The following LYPLA1 variants were observed in gnomAD, a reference collection of about 807,000 sequenced individuals.
LYPLA1 encodes the protein acyl-protein thioesterase 1.
Under a neutral mutation model 34.0 loss-of-function variants are expected in LYPLA1, and 17 were observed. The observed-to-expected ratio is 0.50, with a 90% confidence interval of 0.34 to 0.75. The LOEUF is 0.75. Among genes scored for constraint, LYPLA1 ranks in the 30% least tolerant of loss-of-function variants. LYPLA1 has a pLI of 0.01. For synonymous variants in LYPLA1, 98 were observed against 100.8 expected (o/e 0.97, Z 0.17); for missense variants, 203 against 288.8 (o/e 0.70, Z 2.15).
chr8:54,100,614 C>T (rs1810051112), intron 2 of LYPLA1: 1 of 376,432 alleles, frequency 2.7e-6, no homozygotes, highest in Non-Finnish European at 4.9e-6. Context: ...CAATTGCACA[C>T]CGTCCCTACT....
intron 2 of LYPLA1, among the ~76,000 whole-genome samples, chr8:54,096,263 A>G (rs1809675193): frequency 6.6e-6 from 1 of 152,240 alleles, no homozygotes; most frequent in Non-Finnish European, 1.5e-5. Flanking sequence ...TGAAAAGTTA[A>G]AAAGTTTAAA....
intron 2 of LYPLA1, among the ~76,000 whole-genome samples, chr8:54,080,439 C>T (rs1447131131): frequency 6.6e-6 from 1 of 152,190 alleles, no homozygotes; most frequent in Admixed American, 6.6e-5. Flanking sequence ...CAAAACATTA[C>T]TACATATAAT....
intron 2 of LYPLA1, among the ~76,000 whole-genome samples, chr8:54,069,600 A>G (rs1022347353): frequency 6.6e-6 from 1 of 151,966 alleles, no homozygotes; most frequent in Non-Finnish European, 1.5e-5. Context: ...AGTCCCAGCT[A>G]CTCAGAAGCT....
At chr8:54,063,009 T>C (rs1281792066) in intron 4 of LYPLA1, among the ~76,000 whole-genome samples, 8 of 152,004 alleles carry the variant, frequency 5.3e-5, no homozygotes, top group Non-Finnish European at 2.9e-5. Flanking sequence ...AGGCAAGAAA[T>C]TGGAAAGATG....
At chr8:54,099,207 C>G (rs1430040549) in intron 2 of LYPLA1, among the ~76,000 whole-genome samples, 1 of 152,072 alleles carries the variant, frequency 6.6e-6, no homozygotes, top group African/African-American at 2.4e-5. Flanking sequence ...AACCTTCTCC[C>G]TGACTTGCAA....
At chr8:54,075,262 A>G (rs1807801604) in intron 2 of LYPLA1, among the ~76,000 whole-genome samples, 1 of 152,242 alleles carries the variant, frequency 6.6e-6, no homozygotes, top group South Asian at 2.1e-4. Flanking sequence ...TTTGGTGGAG[A>G]GATCCGATTA....
chr8:54,081,404 G>C (rs1021838407), intron 2 of LYPLA1, among the ~76,000 whole-genome samples: 5 of 151,346 alleles, frequency 3.3e-5, no homozygotes, highest in African/African-American at 1.2e-4. Context: ...TCAAGAAAAT[G>C]TCTTTTTTAA....
At chr8:54,071,340 T>G (rs1251153657) in intron 2 of LYPLA1, among the ~76,000 whole-genome samples, 1 of 152,148 alleles carries the variant, frequency 6.6e-6, no homozygotes, top group Non-Finnish European at 1.5e-5. Context: ...ATCTCCTAAT[T>G]TGGAGTGTTG....
intron 5 of LYPLA1, among the ~76,000 whole-genome samples, chr8:54,056,597 G>GA (rs898982411): frequency 2.6e-5 from 4 of 151,996 alleles, no homozygotes; most frequent in African/African-American, 9.7e-5. Context: ...AACTCTATAG[G>GA]AAAAAAATCT....
At chr8:54,062,624 G>T (rs543339131) in intron 4 of LYPLA1, among the ~76,000 whole-genome samples, 3 of 152,126 alleles carry the variant, frequency 2.0e-5, no homozygotes, top group African/African-American at 4.8e-5. Context: ...CAATTCTCCT[G>T]TGTCAGCCTC....
chr8:54,056,724 C>T (rs1372737295), intron 5 of LYPLA1, among the ~76,000 whole-genome samples: 2 of 152,100 alleles, frequency 1.3e-5, no homozygotes, highest in South Asian at 4.1e-4. Context: ...ACCATCCTGC[C>T]CAACGTGGTG....
At chr8:54,099,300 C>T (rs992470297) in intron 2 of LYPLA1, among the ~76,000 whole-genome samples, 2 of 152,146 alleles carry the variant, frequency 1.3e-5, no homozygotes, top group African/African-American at 2.4e-5. Context: ...TTTCACAGGA[C>T]CACTGGATTG....
chr8:54,084,442 G>A (rs1351511050), intron 2 of LYPLA1, among the ~76,000 whole-genome samples: 1 of 151,506 alleles, frequency 6.6e-6, no homozygotes, highest in Non-Finnish European at 1.5e-5. Context: ...GTGGTGGCAC[G>A]TGCCTGTAGT....
intron 7 of LYPLA1, 87 bp from the exon 8 acceptor site, chr8:54,051,275 A>G: frequency 8.9e-7 from 1 of 1,121,116 alleles, no homozygotes; most frequent in Non-Finnish European, 1.2e-6. Flanking sequence ...ATAAATATGC[A>G]TATATATAAC....
chr8:54,090,125 C>T (rs867565784), intron 2 of LYPLA1, among the ~76,000 whole-genome samples: 2 of 152,310 alleles, frequency 1.3e-5, no homozygotes, highest in African/African-American at 2.4e-5. Context: ...GAACAGAATG[C>T]GACCCTTGTG....
At chr8:54,085,545 C>T (rs1181378926) in intron 2 of LYPLA1, among the ~76,000 whole-genome samples, 1 of 151,728 alleles carries the variant, frequency 6.6e-6, no homozygotes, top group Non-Finnish European at 1.5e-5. Context: ...GCGTCTCTGC[C>T]CGGCCGCCCA....
chr8:54,066,359 C>A (rs1244564290), intron 2 of LYPLA1, among the ~76,000 whole-genome samples: 4 of 152,210 alleles, frequency 2.6e-5, no homozygotes, highest in Admixed American at 2.6e-4. Flanking sequence ...TTCTGAACAG[C>A]AGTGTGTGCC....
intron 2 of LYPLA1, among the ~76,000 whole-genome samples, chr8:54,078,021 G>A (rs926802733): frequency 1.3e-5 from 2 of 152,124 alleles, no homozygotes; most frequent in African/African-American, 4.8e-5. Context: ...CACAATCTCA[G>A]CTCACTGCAA....
At chr8:54,073,125 T>G in intron 2 of LYPLA1, 2 of 711,848 alleles carry the variant, frequency 2.8e-6, no homozygotes, top group Non-Finnish European at 2.6e-6. Context: ...CGCGTCCATC[T>G]CAGGGAGACC....
Sources: gnomAD v4.1 joint callset for allele counts (sites outside exome capture counted in the v4.1 genomes callset) on GRCh38, gnomAD v4.1.1 for gene constraint, MANE v1.5 for transcripts, NCBI Gene and HGNC (gene_info 2026-07-23, HGNC 2026-07-21) for gene names.